The following SPAG16 variants were observed in gnomAD, a reference collection of about 807,000 sequenced individuals.
SPAG16 encodes the protein sperm-associated antigen 16 protein.
Under a neutral mutation model 80.4 loss-of-function variants are expected in SPAG16, and 86 were observed. The ratio of observed to expected loss-of-function variants is 1.07; its 90% CI spans 0.90 to 1.28. The LOEUF (loss-of-function observed/expected upper bound fraction) is 1.28, where lower values mean the gene tolerates loss of function less well. SPAG16 is among the 50% of genes most tolerant of loss of function. The pLI is 0.00. For missense variants in SPAG16, 870 were observed against 765.3 expected, an observed-to-expected ratio of 1.14 and a Z score of -1.61; for synonymous variants, 294 against 265.9, an observed-to-expected ratio of 1.11 and a Z score of -1.03.
chr2:213,911,615 T>C (rs1217092021), intron 11 of SPAG16, among the ~76,000 whole-genome samples: 1 of 152,200 alleles, frequency 6.6e-6, no homozygotes, highest in Non-Finnish European at 1.5e-5. Context: ...CCAAACTTGA[T>C]GATTATTTGT....
chr2:213,988,017 C>T (rs1331319560), intron 12 of SPAG16, among the ~76,000 whole-genome samples: 1 of 151,450 alleles, frequency 6.6e-6, no homozygotes, highest in Non-Finnish European at 1.5e-5. Flanking sequence ...AAAAACTAAC[C>T]AGCTGAAGTG....
chr2:213,859,298 CT>C (rs1321920824), intron 10 of SPAG16, among the ~76,000 whole-genome samples: 1 of 141,404 alleles, frequency 7.1e-6, no homozygotes, highest in East Asian at 2.3e-4. Flanking sequence ...TCTTAAAGAT[CT>C]TGGTAAGTGC....
At chr2:213,461,406 G>A (rs1030343983) in intron 9 of SPAG16, among the ~76,000 whole-genome samples, 1 of 152,156 alleles carries the variant, frequency 6.6e-6, no homozygotes, top group African/African-American at 2.4e-5. Flanking sequence ...CCAGTGGATA[G>A]CGGAGTGCCA....
intron 11 of SPAG16, among the ~76,000 whole-genome samples, chr2:213,911,140 G>A (rs1205270579): frequency 6.6e-6 from 1 of 152,098 alleles, no homozygotes; most frequent in East Asian, 1.9e-4. Context: ...ATTTTCAATA[G>A]AAACAAGTTT....
intron 14 of SPAG16, among the ~76,000 whole-genome samples, chr2:214,146,247 C>G (rs2055632315): frequency 6.6e-6 from 1 of 152,170 alleles, no homozygotes; most frequent in Admixed American, 6.5e-5. Flanking sequence ...CCACATCCCT[C>G]AAAACTCAAA....
chr2:214,372,899 G>T (rs1377183274), intron 15 of SPAG16, among the ~76,000 whole-genome samples: 2 of 152,062 alleles, frequency 1.3e-5, no homozygotes, highest in Non-Finnish European at 2.9e-5. Flanking sequence ...AATAAAACTT[G>T]TATTGAAATG....
At chr2:213,481,953 A>T (rs1471700759) in intron 9 of SPAG16, among the ~76,000 whole-genome samples, 1 of 152,208 alleles carries the variant, frequency 6.6e-6, no homozygotes, top group Non-Finnish European at 1.5e-5. Context: ...ACATACTATA[A>T]TTGGGAATTA....
At chr2:214,357,400 C>T (rs868354342) in intron 15 of SPAG16, among the ~76,000 whole-genome samples, 1 of 151,888 alleles carries the variant, frequency 6.6e-6, no homozygotes, top group Non-Finnish European at 1.5e-5. Flanking sequence ...ATCTCTTTGT[C>T]TCTCTGGGCT....
chr2:213,650,266 C>A (rs1033558537), intron 10 of SPAG16, among the ~76,000 whole-genome samples: 1 of 152,126 alleles, frequency 6.6e-6, no homozygotes, highest in African/African-American at 2.4e-5. Flanking sequence ...GCATTTTGAA[C>A]CTGAAAGCTC....
chr2:214,358,683 G>C (rs1040082554), intron 15 of SPAG16, among the ~76,000 whole-genome samples: 2 of 151,820 alleles, frequency 1.3e-5, no homozygotes, highest in African/African-American at 4.8e-5. Flanking sequence ...GCAGTCTTCT[G>C]TACTCTAGTG....
intron 15 of SPAG16, among the ~76,000 whole-genome samples, chr2:214,355,788 A>G (rs1485807649): frequency 1.7e-4 from 26 of 152,040 alleles, no homozygotes; most frequent in Admixed American, 2.6e-4. Flanking sequence ...GTCCAACAAC[A>G]ATAGACTGGA....
intron 10 of SPAG16, among the ~76,000 whole-genome samples, chr2:213,826,263 T>C (rs2073295364): frequency 6.6e-6 from 1 of 151,850 alleles, no homozygotes; most frequent in Non-Finnish European, 1.5e-5. Flanking sequence ...TTCTATGATC[T>C]TTATTATTTA....
intron 10 of SPAG16, among the ~76,000 whole-genome samples, chr2:213,854,547 C>A (rs1048287009): frequency 7.2e-5 from 11 of 152,170 alleles, no homozygotes; most frequent in African/African-American, 2.7e-4. Flanking sequence ...GCCCCAGATA[C>A]CCTGTCTCTC....
intron 7 of SPAG16, among the ~76,000 whole-genome samples, chr2:213,360,949 T>G (rs1276466106): frequency 1.3e-5 from 2 of 152,192 alleles, no homozygotes; most frequent in African/African-American, 4.8e-5. Context: ...TCCTGATTGT[T>G]ACTTCCTTAA....
At chr2:213,403,542 T>C (rs891901169) in intron 9 of SPAG16, among the ~76,000 whole-genome samples, 2 of 152,168 alleles carry the variant, frequency 1.3e-5, no homozygotes, top group African/African-American at 4.8e-5. Context: ...AATTAGGTAT[T>C]GATGGGTCGT....
intron 13 of SPAG16, among the ~76,000 whole-genome samples, chr2:214,086,442 T>C (rs2051760222): frequency 6.6e-6 from 1 of 152,078 alleles, no homozygotes; most frequent in Non-Finnish European, 1.5e-5. Flanking sequence ...GTAATCCCCA[T>C]GTGTTGGGGG....
chr2:213,987,080 A>T (rs576968673), intron 12 of SPAG16, among the ~76,000 whole-genome samples: 2 of 152,202 alleles, frequency 1.3e-5, no homozygotes, highest in Admixed American at 1.3e-4. Context: ...GGACATCTAA[A>T]GTTCATTTCC....
chr2:213,994,027 C>T (rs1290254884), intron 12 of SPAG16, among the ~76,000 whole-genome samples: 1 of 152,098 alleles, frequency 6.6e-6, no homozygotes, highest in Non-Finnish European at 1.5e-5. Context: ...ATGATTCTAA[C>T]AGATCGATTT....
At chr2:213,880,001 G>A (rs2076285161) in intron 11 of SPAG16, among the ~76,000 whole-genome samples, 1 of 152,140 alleles carries the variant, frequency 6.6e-6, no homozygotes, top group Admixed American at 6.5e-5. Context: ...TATATACCCA[G>A]TAATAAGATA....
Sources: allele counts gnomAD v4.1 joint callset (sites outside exome capture counted in the v4.1 genomes callset), GRCh38; gene constraint gnomAD v4.1.1; transcripts MANE v1.5; gene names NCBI Gene and HGNC (gene_info 2026-07-23, HGNC 2026-07-21).